Variants in COL3A1 observed in about 807,000 individuals in gnomAD.
The protein encoded by COL3A1 is collagen alpha-1(III) chain.
Under a neutral mutation model 200.9 loss-of-function variants are expected in COL3A1, and 46 were observed. The ratio of observed to expected loss-of-function variants is 0.23; its 90% CI spans 0.18 to 0.29. COL3A1 has a LOEUF of 0.29. Among genes scored for constraint, COL3A1 ranks in the 10% least tolerant of loss-of-function variants. The pLI, the probability that COL3A1 is intolerant of heterozygous loss-of-function variation, is 1.00. For missense variants in COL3A1, 1,367 were observed against 1,917.6 expected, an observed-to-expected ratio of 0.71 and a Z score of 5.36; for synonymous variants, 650 against 628.0, an observed-to-expected ratio of 1.03 and a Z score of -0.52.
rs1286958692 is a variant in COL3A1, at chr2:189,007,616, A to G, written c.3363+9A>G. Reference sequence around the variant, plus strand: ...GTGCCCCAGGTTCTCCAGTAAGTGCATTCATTTTGTTGGAAAATCCCTTCA... The same window carrying G: ...GTGCCCCAGGTTCTCCAGTAAGTGCGTTCATTTTGTTGGAAAATCCCTTCA... On this transcript the variant is annotated intron_variant, in intron 45 of 50. Transcript: ENST00000304636. The G allele has an allele frequency of 1.2e-5, 20 of 1,604,080 alleles. No individual in the cohort carries two copies. The highest frequency in any genetic ancestry group is 1.7e-5 in the Non-Finnish European group (20 of 1,173,296).
chr2:188,994,436 G>T lies in COL3A1; in HGVS notation c.1293+104G>T. 6.4e-7 allele frequency: 1 copy of T among 1,561,530 alleles called. No individual in the cohort carries two copies. The highest frequency in any genetic ancestry group is 1.1e-5 in the South Asian group (1 of 89,500). On this transcript the variant is annotated intron_variant, in intron 18 of 50. Transcript: ENST00000304636. The surrounding 1 kb of genome is among the most constrained non-coding windows in gnomAD (Gnocchi z 4.5). ...GCTCCTGTTCAGTTGAATTTATATTGACTTCACTCTTGTCTTATAACTTAT... is the reference window on the plus strand; with the variant it reads ...GCTCCTGTTCAGTTGAATTTATATTTACTTCACTCTTGTCTTATAACTTAT...
intron 40 of COL3A1, 64 bp downstream of exon 40, chr2:189,004,428 C>A (rs1688543857): frequency 4.9e-6 from 7 of 1,441,524 alleles, no homozygotes; most frequent in Non-Finnish European, 6.7e-6. Flanking sequence ...ATCACTTAAC[C>A]ATATCAAGGA....
At chr2:188,993,546 T>A in intron 16 of COL3A1, 87 bp downstream of exon 16, 1 of 1,105,572 alleles carries the variant, frequency 9.0e-7, no homozygotes, top group African/African-American at 1.6e-5. Flanking sequence ...TGAAAGCATG[T>A]GCTTCAATAT....
Position 189,006,077 on chromosome 2 carries a change from A to G in COL3A1, c.3040-129A>G. 1.0e-5 allele frequency: 9 copies of G among 879,608 alleles called. No homozygotes were observed. The South Asian group carries it at 1.3e-4, about 13-fold the overall frequency. 54.5% of individuals were successfully genotyped at this position (879,608 alleles called of 1,614,324 possible). ...AGGGCCACACTGCTTTGTAATATCTAAGATTTCTTACCCCCAAGAACCAAT... is the reference window on the plus strand; with the variant it reads ...AGGGCCACACTGCTTTGTAATATCTGAGATTTCTTACCCCCAAGAACCAAT... On this transcript the variant is annotated intron_variant, in intron 41 of 50. Transcript: ENST00000304636.
At chr2:188,991,820 G>T (rs1688196988) in intron 13 of COL3A1, 98 bp downstream of exon 13, 3 of 1,234,430 alleles carry the variant, frequency 2.4e-6, no homozygotes, top group South Asian at 1.2e-5. Flanking sequence ...TTAGGAAAAA[G>T]ACCTTCCTAC....
intron 28 of COL3A1, 95 bp from the exon 29 acceptor site, chr2:188,998,579 T>G (rs1224285384): frequency 7.7e-7 from 1 of 1,297,252 alleles, no homozygotes; most frequent in East Asian, 2.5e-5. Flanking sequence ...TGTATTTTGC[T>G]TATATTTACA....
At position 189,009,006 on chromosome 2, in the gene COL3A1, C is replaced by T. The variant is rs1410778659; in HGVS notation, c.3608C>T (p.Ala1203Val). 2 of 1,614,202 alleles carry T rather than the reference C, an allele frequency of 1.2e-6. No homozygotes were observed. The highest frequency in any genetic ancestry group is 1.7e-6 in the Non-Finnish European group (2 of 1,180,046). Residue 1203 changes from alanine to valine, a missense_variant, in exon 48 of 51, where the codon GCT becomes GTT. Around this residue, in one of 5 missense-constraint regions of COL3A1, gnomAD observed 846 missense variants for 1,147.9 expected, o/e 0.74. Coordinates refer to ENST00000304636, the MANE Select transcript of COL3A1 (RefSeq NM_000090.4). Reference protein sequence around the residue: ...PGPCCGGVGAAAIAGIGGEKA... With the variant: ...PGPCCGGVGAVAIAGIGGEKA... ...CCTTGCTGTGGTGGTGTTGGAGCCG[C>T]TGCCATTGCTGGGATTGGAGGTGAA...
In COL3A1 at chr2:189,007,869, C is replaced by T; in HGVS notation, c.3364-16C>T. ...TTTAAGGCCTTCACTCCTATGTACACTTCCTTTCTTTCCAGGGCCCTGCTG... is the reference window on the plus strand; with the variant it reads ...TTTAAGGCCTTCACTCCTATGTACATTTCCTTTCTTTCCAGGGCCCTGCTG... On this transcript the variant is annotated splice_polypyrimidine_tract_variant and intron_variant, in intron 45 of 50. Transcript: ENST00000304636. 1 of 1,613,770 alleles carries T rather than the reference C, an allele frequency of 6.2e-7. No homozygotes were observed. Among genetic ancestry groups the T allele is most frequent in the Non-Finnish European group, 8.5e-7 (1 of 1,180,016 alleles).
At chr2:189,004,601 A>G (rs1441055843) in intron 40 of COL3A1, among the ~76,000 whole-genome samples, 1 of 152,202 alleles carries the variant, frequency 6.6e-6, no homozygotes, top group Non-Finnish European at 1.5e-5. Flanking sequence ...TATGATGAAA[A>G]CAATATTGCC....
At chr2:189,010,577 ATAC>A in intron 49 of COL3A1, 68 bp from the exon 50 acceptor site, 15 of 1,593,616 alleles carry the variant, frequency 9.4e-6, no homozygotes, top group African/African-American at 1.3e-5. Context: ...ATGCATACAC[ATAC>A]TACATGAATC....
At chr2:189,008,759 C>T (rs931589138) in intron 47 of COL3A1, 165 bp from the exon 48 acceptor site, 15 of 678,356 alleles carry the variant, frequency 2.2e-5, no homozygotes, top group Admixed American at 4.8e-5. Flanking sequence ...TATTATAAAT[C>T]GGTGATCACG....
At position 189,001,455 on chromosome 2, in the gene COL3A1, C is replaced by T; in HGVS notation, c.2337+5C>T. ...GCTGGCCAGCCTGGAGATAAGGTAA[C>T]CCTTAATACTACCTGGATATAAAAA... is the stretch of plus-strand genomic sequence containing the variant. On this transcript the variant is annotated splice_donor_5th_base_variant and intron_variant, in intron 33 of 50. Coordinates refer to ENST00000304636, the MANE Select transcript of COL3A1 (RefSeq NM_000090.4). 1.2e-6 allele frequency: 2 copies of T among 1,613,918 alleles called. No homozygotes were observed. Among genetic ancestry groups the T allele is most frequent in the Non-Finnish European group, 1.7e-6 (2 of 1,179,820 alleles).
At chr2:189,005,487 G>A (rs1688565681) in intron 41 of COL3A1, 30 bp downstream of exon 41, 1 of 1,566,276 alleles carries the variant, frequency 6.4e-7, no homozygotes, top group Non-Finnish European at 8.8e-7. Context: ...CAACCAGCCA[G>A]GTAGAATTTG....
In COL3A1 at chr2:188,997,682, A is replaced by ATCATT; in HGVS notation, c.1870-17_1870-13dup. 6.2e-7 allele frequency: 1 copy of ATCATT among 1,609,944 alleles called. No individual in the cohort carries two copies. The highest frequency in any genetic ancestry group is 8.5e-7 in the Non-Finnish European group (1 of 1,176,264). On this transcript the variant is annotated splice_polypyrimidine_tract_variant and intron_variant, in intron 26 of 50. Transcript: ENST00000304636. Reference sequence around the variant, plus strand: ...TAAAAGGATGTTTACAACAGAGTGTATCATTATACTTTTCTAGGGGCCTGG... The same window carrying ATCATT: ...TAAAAGGATGTTTACAACAGAGTGTATCATTTCATTATACTTTTCTAGGGGCCTGG...
rs184902852 is a variant in COL3A1 at position 188,975,588 on chromosome 2, C to T, written c.79+1020C>T. Among the ~76,000 whole-genome samples, 151 of 152,172 alleles carry T rather than the reference C, an allele frequency of 9.9e-4. 1 individual carries two copies. The South Asian group carries it at 0.01, about 10-fold the overall frequency. ...ATAACTAAACATGGTTACATTTAAA[C>T]ATATAGATTTTGCAAAGGACACTGC... On this transcript the variant is annotated intron_variant, in intron 1 of 50. Transcript: ENST00000304636.
Position 188,995,050 on chromosome 2 carries a change from C to T in COL3A1, c.1460C>T (p.Ala487Val), listed in dbSNP as rs770157568. 10 of 1,614,054 alleles carry T rather than the reference C, an allele frequency of 6.2e-6. No individual in the cohort carries two copies. The South Asian group carries it at 1.1e-4, about 18-fold the overall frequency. ...CTTGTCTTTCATTATTTTCAGGGTG[C>T]CCCTGGGTTCCGAGGACCTGCTGGA... Reference protein sequence around the residue: ...GLPGAAGERGAPGFRGPAGPN... With the variant: ...GLPGAAGERGVPGFRGPAGPN... Residue 487 changes from alanine to valine, a missense_variant, in exon 21 of 51, where the codon GCC (alanine) becomes GTC (valine). Physicochemically the swap from Ala to Val is moderately conservative, Grantham distance 64. This residue lies in a region of COL3A1 where 462 missense variants were observed against 681.4 expected (regional missense o/e 0.68). Coordinates refer to ENST00000304636, the MANE Select transcript of COL3A1 (RefSeq NM_000090.4).
rs1688031667 is a variant in COL3A1, at chr2:188,984,870, G to C, written c.190G>C (p.Asp64His). The C allele has an allele frequency of 1.9e-6, 3 of 1,613,258 alleles. No individual in the cohort carries two copies. The East Asian group carries it at 6.7e-5, about 36-fold the overall frequency. The change falls in exon 2 of 51, where the codon GAC (aspartate) becomes CAC (histidine). Residue 64 changes from aspartate (D) to histidine (H), a missense_variant. Physicochemically the swap from Asp to His is moderately conservative, Grantham distance 81 (BLOSUM62 -1). Around this residue, in one of 5 missense-constraint regions of COL3A1, gnomAD observed 462 missense variants for 681.4 expected, o/e 0.68. Transcript: ENST00000304636. ...VCDSGSVLCD[D>H]IICDDQELDC... Reference sequence around the variant, plus strand: ...TGACTCAGGATCCGTTCTCTGCGATGACATAATATGTGACGATCAAGAATT... The same window carrying C: ...TGACTCAGGATCCGTTCTCTGCGATCACATAATATGTGACGATCAAGAATT...
chr2:189,003,324 A>G, intron 36 of COL3A1, 87 bp from the exon 37 acceptor site: 1 of 1,147,138 alleles, frequency 8.7e-7, no homozygotes, highest in South Asian at 1.3e-5. Flanking sequence ...ACCTCTTCAT[A>G]GAGTTCCTGG....
rs1397132028 is a variant in COL3A1, at chr2:188,995,043, C to G, written c.1456-3C>G. The G allele has an allele frequency of 6.2e-7, 1 of 1,614,074 alleles. No individual in the cohort carries two copies. Among genetic ancestry groups the G allele is most frequent in the Admixed American group, 1.7e-5 (1 of 60,024 alleles). On this transcript the variant is annotated splice_polypyrimidine_tract_variant and splice_region_variant and intron_variant, in intron 20 of 50. Coordinates refer to ENST00000304636, the MANE Select transcript of COL3A1 (RefSeq NM_000090.4). ...TGAAATACTTGTCTTTCATTATTTT[C>G]AGGGTGCCCCTGGGTTCCGAGGACC...
Sources: gnomAD v4.1 joint callset for allele counts (sites outside exome capture counted in the v4.1 genomes callset) on GRCh38, gnomAD v4.1.1 for gene constraint, gnomAD v4.1.1 regional missense constraint, Gnocchi (gnomAD v3.1) non-coding constraint, MANE v1.5 for transcripts, NCBI Gene and HGNC (gene_info 2026-07-23, HGNC 2026-07-21) for gene names.